RARRES1: variants seen among roughly 807,000 people sequenced by gnomAD.
RARRES1 encodes retinoic acid receptor responder 1.
In RARRES1, 34 loss-of-function variants were observed where a neutral mutation model predicts 30.6. The observed-to-expected ratio is 1.11, with a 90% CI of 0.84 to 1.48. The LOEUF is 1.48. Ranked by LOEUF, RARRES1 falls within the 40% of genes most tolerant of loss-of-function variation. The pLI, the probability that RARRES1 is intolerant of heterozygous loss-of-function variation, is 0.00. For missense variants in RARRES1, 373 were observed against 386.5 expected, an observed-to-expected ratio of 0.97 and a Z score of 0.29; for synonymous variants, 153 against 155.5, an observed-to-expected ratio of 0.98 and a Z score of 0.12.
intron 4 of RARRES1, among the ~76,000 whole-genome samples, chr3:158,703,912 C>T (rs560908645): frequency 2.2e-4 from 34 of 152,238 alleles, no homozygotes; most frequent in African/African-American, 8.2e-4. Context: ...ACTCTTCTGT[C>T]CAGAAGATTA....
chr3:158,729,452 T>C (rs544385796), intron 1 of RARRES1, among the ~76,000 whole-genome samples: 27 of 152,110 alleles, frequency 1.8e-4, no homozygotes, highest in African/African-American at 6.0e-4. Flanking sequence ...TTCCTTTATT[T>C]ATTTATTTAT....
chr3:158,712,359 C>G (rs1288744777), intron 2 of RARRES1, among the ~76,000 whole-genome samples: 5 of 152,092 alleles, frequency 3.3e-5, no homozygotes, highest in Non-Finnish European at 7.3e-5. Flanking sequence ...GCACTTCCCT[C>G]CAGCCAGGAG....
intron 3 of RARRES1, among the ~76,000 whole-genome samples, chr3:158,707,115 A>G (rs888194781): frequency 1.3e-5 from 2 of 152,140 alleles, no homozygotes; most frequent in Admixed American, 1.3e-4. Context: ...GTTGCAGTGA[A>G]CCAAGATTGC....
intron 2 of RARRES1, among the ~76,000 whole-genome samples, chr3:158,713,498 T>TA (rs1315029832): frequency 6.6e-6 from 1 of 152,032 alleles, no homozygotes; most frequent in African/African-American, 2.4e-5. Flanking sequence ...TCTGAGGAGC[T>TA]AGGAGGGATA....
At position 158,713,830 on chromosome 3, in the gene RARRES1, G is replaced by A. The variant is rs771021863; in HGVS notation, c.306C>T (p.His102=). Residue 102 remains histidine (H), a synonymous_variant, in exon 2 of 6, where the codon CAC becomes CAT. Coordinates refer to ENST00000237696, the MANE Select transcript of RARRES1 (RefSeq NM_206963.2). ...WINPKEGCKV[H]VVFSTERYNP... Reference sequence around the variant, plus strand: ...TGTAGCGCTCTGTGCTGAAGACCACGTGAACTTTACATCCCTCTTTTGGAT... The same window carrying A: ...TGTAGCGCTCTGTGCTGAAGACCACATGAACTTTACATCCCTCTTTTGGAT... The A allele has an allele frequency of 1.5e-5, 24 of 1,613,902 alleles. No homozygotes were observed. Among genetic ancestry groups the A allele is most frequent in the Non-Finnish European group, 3.4e-6 (4 of 1,179,928 alleles).
At chr3:158,709,177 T>C (rs1039615306) in intron 3 of RARRES1, among the ~76,000 whole-genome samples, 1 of 152,194 alleles carries the variant, frequency 6.6e-6, no homozygotes, top group Non-Finnish European at 1.5e-5. Flanking sequence ...AGTTAGATTA[T>C]TATAGAATGG....
chr3:158,701,823 AT>A (rs1726731240), intron 4 of RARRES1, among the ~76,000 whole-genome samples: 1 of 152,160 alleles, frequency 6.6e-6, no homozygotes, highest in African/African-American at 2.4e-5. Context: ...AAATATCCTA[AT>A]TGCTCCAGGG....
At chr3:158,730,865 C>A (rs1727861225) in intron 1 of RARRES1, among the ~76,000 whole-genome samples, 1 of 152,210 alleles carries the variant, frequency 6.6e-6, no homozygotes, top group African/African-American at 2.4e-5. Context: ...CTCACCGCAA[C>A]CTCCGCCTCC....
Position 158,702,498 on chromosome 3 carries a change from T to C in RARRES1, c.672+2293A>G, listed in dbSNP as rs141027478. ...TTTGTACCCTAGTATGTCCTAGTGG[T>C]AAAAATGTGTCATATGCAACTGCAA... On this transcript the variant is annotated intron_variant, in intron 4 of 5. Coordinates refer to ENST00000237696, the MANE Select transcript of RARRES1 (RefSeq NM_206963.2). Among the ~76,000 whole-genome samples the C allele has an allele frequency of 2.4e-3, 361 of 152,348 alleles. 4 individuals are homozygous for C. Among genetic ancestry groups the C allele is most frequent in the African/African-American group, 8.4e-3 (348 of 41,570 alleles).
intron 4 of RARRES1, among the ~76,000 whole-genome samples, chr3:158,699,797 A>G (rs111405916): frequency 0.041 from 6,173 of 152,286 alleles, 160 homozygotes; most frequent in Non-Finnish European, 0.062. Context: ...TTCATGAGAG[A>G]AAATTCAGTG....
chr3:158,720,275 A>ATGTGT (rs1559873773), intron 1 of RARRES1, among the ~76,000 whole-genome samples: 2 of 83,940 alleles, frequency 2.4e-5, no homozygotes, highest in African/African-American at 9.8e-5. Flanking sequence ...TATGTGTGTG[A>ATGTGT]GAGAGAGAGA....
chr3:158,722,302 A>G (rs1362128182), intron 1 of RARRES1, among the ~76,000 whole-genome samples: 2 of 152,176 alleles, frequency 1.3e-5, no homozygotes, highest in Non-Finnish European at 2.9e-5. Flanking sequence ...AGCTGTTTAT[A>G]CTAAACCACA....
At chr3:158,721,999 A>G (rs1576821359) in intron 1 of RARRES1, among the ~76,000 whole-genome samples, 1 of 150,538 alleles carries the variant, frequency 6.6e-6, no homozygotes, top group African/African-American at 2.5e-5. Context: ...GCTGAGGCAG[A>G]AGAATCACTT....
chr3:158,707,165 AAAC>A (rs1240368147), intron 3 of RARRES1, among the ~76,000 whole-genome samples: 2 of 100,796 alleles, frequency 2.0e-5, no homozygotes, highest in Non-Finnish European at 4.8e-5. Context: ...TGTCTCAAAA[AAAC>A]AAACAAACAA....
intron 1 of RARRES1, among the ~76,000 whole-genome samples, chr3:158,717,660 T>C (rs1727366141): frequency 6.6e-6 from 1 of 152,122 alleles, no homozygotes; most frequent in Admixed American, 6.6e-5. Context: ...TTTGAAAAGA[T>C]CCCTCTAGCT....
chr3:158,726,561 C>A (rs1455335270), intron 1 of RARRES1, among the ~76,000 whole-genome samples: 1 of 152,226 alleles, frequency 6.6e-6, no homozygotes, highest in Non-Finnish European at 1.5e-5. Flanking sequence ...AGTAAATATT[C>A]TGTAAACTGG....
At chr3:158,726,920 C>G (rs1264960823) in intron 1 of RARRES1, among the ~76,000 whole-genome samples, 1 of 152,182 alleles carries the variant, frequency 6.6e-6, no homozygotes, top group Non-Finnish European at 1.5e-5. Flanking sequence ...TGGTTTGGCA[C>G]CCTCCCCTTG....
chr3:158,704,692 A>G, intron 4 of RARRES1, 99 bp downstream of exon 4: 1 of 1,470,358 alleles, frequency 6.8e-7, no homozygotes, highest in Admixed American at 2.4e-5. Flanking sequence ...TGTGATTACA[A>G]CTCTTGATAT....
intron 1 of RARRES1, among the ~76,000 whole-genome samples, chr3:158,721,951 C>G (rs1358465030): frequency 6.6e-6 from 1 of 151,922 alleles, no homozygotes; most frequent in Non-Finnish European, 1.5e-5. Context: ...ATTAGCTGGG[C>G]GTGGTGGCGC....
Sources: allele counts gnomAD v4.1 joint callset (sites outside exome capture counted in the v4.1 genomes callset), GRCh38; gene constraint gnomAD v4.1.1; transcripts MANE v1.5; gene names NCBI Gene and HGNC (gene_info 2026-07-23, HGNC 2026-07-21).